The following LAMA2 variants were observed in gnomAD, a reference collection of about 807,000 sequenced individuals.
The protein encoded by LAMA2 is laminin subunit alpha 2, also known as laminin subunit alpha-2.
Under a neutral mutation model 364.8 loss-of-function variants are expected in LAMA2, and 269 were observed. The ratio of observed to expected loss-of-function variants is 0.74; its 90% CI spans 0.67 to 0.82. LAMA2 has a LOEUF of 0.82. Among genes scored for constraint, LAMA2 ranks in the 40% least tolerant of loss-of-function variants. The pLI, the probability that LAMA2 is intolerant of heterozygous loss-of-function variation, is 0.00. For missense variants in LAMA2, 3,807 were observed against 3,873.2 expected, an observed-to-expected ratio of 0.98 and a Z score of 0.45; for synonymous variants, 1,379 against 1,370.6, an observed-to-expected ratio of 1.01 and a Z score of -0.14.
chr6:129,277,865 T>C (rs1336836109), intron 17 of LAMA2, among the ~76,000 whole-genome samples: 2 of 152,208 alleles, frequency 1.3e-5, no homozygotes, highest in African/African-American at 4.8e-5. Flanking sequence ...TTAACTGACA[T>C]GTGAGTGTAT....
intron 12 of LAMA2, among the ~76,000 whole-genome samples, chr6:129,238,644 A>C (rs1785178626): frequency 6.6e-6 from 1 of 152,092 alleles, no homozygotes; most frequent in South Asian, 2.1e-4. Context: ...AGAAGTGTTT[A>C]AAAGGAATAT....
At chr6:128,996,248 A>T (rs1461077347) in intron 1 of LAMA2, among the ~76,000 whole-genome samples, 1 of 152,090 alleles carries the variant, frequency 6.6e-6, no homozygotes, top group East Asian at 1.9e-4. Flanking sequence ...AAGATCGGGG[A>T]AATGAGCACA....
chr6:129,013,493 C>G (rs1784896358), intron 1 of LAMA2, among the ~76,000 whole-genome samples: 1 of 151,856 alleles, frequency 6.6e-6, no homozygotes, highest in Admixed American at 6.6e-5. Context: ...AATGGCTAGA[C>G]AGCTATTAAG....
At chr6:129,010,266 A>C (rs1473586862) in intron 1 of LAMA2, among the ~76,000 whole-genome samples, 1 of 152,232 alleles carries the variant, frequency 6.6e-6, no homozygotes, top group Non-Finnish European at 1.5e-5. Context: ...ACTGAAAAGA[A>C]GACCATCTTC....
At chr6:129,161,222 C>T (rs1779421644) in intron 8 of LAMA2, among the ~76,000 whole-genome samples, 2 of 152,062 alleles carry the variant, frequency 1.3e-5, no homozygotes, top group South Asian at 4.1e-4. Flanking sequence ...TTTTCATATG[C>T]TTACTCTGTA....
intron 5 of LAMA2, 99 bp downstream of exon 5, chr6:129,144,179 T>G: frequency 1.2e-6 from 1 of 850,234 alleles, no homozygotes; most frequent in Non-Finnish European, 1.9e-6. Context: ...TTTGTAGGAG[T>G]GGTTATTATC....
chr6:129,202,717 G>A (rs1173481260), intron 12 of LAMA2, among the ~76,000 whole-genome samples: 5 of 152,066 alleles, frequency 3.3e-5, no homozygotes. Flanking sequence ...GCAATCAAAT[G>A]AACAAAACAA....
intron 21 of LAMA2, 111 bp downstream of exon 21, chr6:129,297,976 C>A: frequency 1.3e-6 from 1 of 789,068 alleles, no homozygotes; most frequent in Non-Finnish European, 2.0e-6. Context: ...ACGTATTTAA[C>A]ATAATGAGTA....
intron 1 of LAMA2, among the ~76,000 whole-genome samples, chr6:128,932,920 A>G (rs1425565836): frequency 2.6e-5 from 4 of 152,166 alleles, no homozygotes; most frequent in African/African-American, 7.2e-5. Flanking sequence ...TATAGTTACT[A>G]TTCTGTACAT....
rs1015904263 is a variant in LAMA2 at position 129,083,080 on chromosome 6, A to T, written c.397-15093A>T. ...TTCTGTCTAGTTCTCCTCTGCTCACACACACACACACACACACACACGTGT... is the reference window on the plus strand; with the variant it reads ...TTCTGTCTAGTTCTCCTCTGCTCACTCACACACACACACACACACACGTGT... On this transcript the variant is annotated intron_variant, in intron 3 of 64. Coordinates refer to ENST00000421865, the MANE Select transcript of LAMA2 (RefSeq NM_000426.4). 5.4e-5 allele frequency among the ~76,000 whole-genome samples: 6 copies of T among 111,028 alleles called. No individual in the cohort carries two copies. The East Asian group carries it at 9.9e-4, about 18-fold the overall frequency. 72.8% of individuals were successfully genotyped at this position (111,028 alleles called of 152,430 possible).
chr6:129,316,201 T>G, intron 27 of LAMA2, 30 bp downstream of exon 27: 1 of 1,562,700 alleles, frequency 6.4e-7, no homozygotes. Flanking sequence ...ATTCAAGCTC[T>G]TATTTTAGAG....
In LAMA2 at chr6:129,291,634, G is replaced by T; in HGVS notation, c.2770G>T (p.Gly924Cys). ...NCQPCRCNAG[G>C]SFSEVCHSQT... ...TGCAGCCTGTCGCTGTAATGCCGGTGGCTCTTTCTCTGAGGTTTGCCACAG... is the reference window on the plus strand; with the variant it reads ...TGCAGCCTGTCGCTGTAATGCCGGTTGCTCTTTCTCTGAGGTTTGCCACAG... Residue 924 changes from glycine (G) to cysteine (C), a missense_variant, in exon 20 of 65, where the codon GGC becomes TGC. Gly to Cys is a radical substitution (Grantham distance 159, BLOSUM62 -3). Transcript: ENST00000421865. The T allele has an allele frequency of 6.2e-7, 1 of 1,613,992 alleles. No homozygotes were observed. The highest frequency in any genetic ancestry group is 8.5e-7 in the Non-Finnish European group (1 of 1,179,858).
chr6:128,968,404 T>C (rs1231614650), intron 1 of LAMA2, among the ~76,000 whole-genome samples: 1 of 152,142 alleles, frequency 6.6e-6, no homozygotes, highest in Non-Finnish European at 1.5e-5. Flanking sequence ...GTTTTTATTT[T>C]AGAGGGGATA....
At chr6:129,068,326 A>G (rs1773070232) in intron 3 of LAMA2, among the ~76,000 whole-genome samples, 3 of 152,232 alleles carry the variant, frequency 2.0e-5, no homozygotes, top group Non-Finnish European at 2.9e-5. Flanking sequence ...CTATTATAAC[A>G]AAGTACCAGA....
chr6:129,220,055 TA>T (rs1426363808), intron 12 of LAMA2, among the ~76,000 whole-genome samples: 2 of 152,038 alleles, frequency 1.3e-5, no homozygotes, highest in East Asian at 1.9e-4. Flanking sequence ...CCTGGTGGAG[TA>T]CCAGCTCAAG....
At chr6:128,979,774 A>C (rs890991196) in intron 1 of LAMA2, among the ~76,000 whole-genome samples, 3 of 152,216 alleles carry the variant, frequency 2.0e-5, no homozygotes, top group African/African-American at 7.2e-5. Flanking sequence ...GTTCAGATGA[A>C]ACCCAGCAAA....
chr6:129,277,381 G>A (rs1468235371), intron 17 of LAMA2, among the ~76,000 whole-genome samples: 1 of 152,046 alleles, frequency 6.6e-6, no homozygotes, highest in Non-Finnish European at 1.5e-5. Flanking sequence ...TTTTATTTTT[G>A]TTGTTGAATG....
intron 1 of LAMA2, among the ~76,000 whole-genome samples, chr6:129,031,999 T>C (rs1288939749): frequency 6.6e-6 from 1 of 152,150 alleles, no homozygotes; most frequent in Non-Finnish European, 1.5e-5. Context: ...TTTGTATTTT[T>C]AGTAGAGACA....
In LAMA2 at chr6:129,516,344, C is replaced by CTAATAAAAAT. The variant is rs1554321306; in HGVS notation, c.9367_*7dup. ...TTCAACCTGTATCATGCCCAGCCAACTAATAAAAATAAGTGTAACCCCAGG... is the reference window on the plus strand; with the variant it reads ...TTCAACCTGTATCATGCCCAGCCAACTAATAAAAATTAATAAAAATAAGTGTAACCCCAGG... On this transcript the variant is annotated frameshift_variant and stop_retained_variant, in exon 65 of 65. Coordinates refer to ENST00000421865, the MANE Select transcript of LAMA2 (RefSeq NM_000426.4). LOFTEE classifies it high-confidence loss of function. The CTAATAAAAAT allele has an allele frequency of 6.2e-7, 1 of 1,613,796 alleles. No individual in the cohort carries two copies. Among genetic ancestry groups the CTAATAAAAAT allele is most frequent in the Non-Finnish European group, 8.5e-7 (1 of 1,179,854 alleles).
Sources: allele counts gnomAD v4.1 joint callset (sites outside exome capture counted in the v4.1 genomes callset), GRCh38; gene constraint gnomAD v4.1.1; transcripts MANE v1.5; gene names NCBI Gene and HGNC (gene_info 2026-07-23, HGNC 2026-07-21).